The following NAALADL2 variants were observed in gnomAD, a reference collection of about 807,000 sequenced individuals.
The protein encoded by NAALADL2 is inactive N-acetylated-alpha-linked acidic dipeptidase-like protein 2.
A neutral mutation model predicts 87.2 loss-of-function variants in NAALADL2; 76 were observed. That is an observed-to-expected ratio of 0.87 (90% CI 0.72 to 1.05). The LOEUF (loss-of-function observed/expected upper bound fraction) is 1.05, where lower values mean the gene tolerates loss of function less well. Among genes scored for constraint, NAALADL2 ranks in the 50% least tolerant of loss-of-function variants. NAALADL2 has a pLI of 0.00. For missense variants in NAALADL2, 1,089 were observed against 945.8 expected, an observed-to-expected ratio of 1.15 and a Z score of -1.99; for synonymous variants, 354 against 331.0, an observed-to-expected ratio of 1.07 and a Z score of -0.75.
At chr3:175,401,286 T>C (rs956879527) in intron 5 of NAALADL2, among the ~76,000 whole-genome samples, 3 of 152,144 alleles carry the variant, frequency 2.0e-5, no homozygotes, top group African/African-American at 7.2e-5. Flanking sequence ...TGCTTTGAAT[T>C]GTGGAACAAT....
At chr3:175,720,629 T>C (rs2151612) in intron 11 of NAALADL2, among the ~76,000 whole-genome samples, 1 of 151,940 alleles carries the variant, frequency 6.6e-6, no homozygotes, top group African/African-American at 2.4e-5. Flanking sequence ...AAATAGGATA[T>C]ATTAAAAATA....
intron 3 of NAALADL2, among the ~76,000 whole-genome samples, chr3:174,783,968 A>G (rs1032559656): frequency 2.0e-5 from 3 of 152,208 alleles, no homozygotes; most frequent in African/African-American, 7.2e-5. Context: ...TGGATATATT[A>G]ACTAAAGAAT....
intron 11 of NAALADL2, chr3:175,675,931 ATTG>A (rs1734710467): frequency 6.6e-6 from 1 of 152,112 alleles, no homozygotes; most frequent in African/African-American, 2.4e-5. Flanking sequence ...GTAGTGCACT[ATTG>A]TTTATATGGT....
intron 1 of NAALADL2, among the ~76,000 whole-genome samples, chr3:175,066,455 AC>A (rs2109113834): frequency 6.6e-6 from 1 of 152,140 alleles, no homozygotes; most frequent in South Asian, 2.1e-4. Context: ...TCTATCCAGC[AC>A]CTTGCACTGA....
chr3:175,559,318 T>TTTG (rs367634123), intron 9 of NAALADL2, among the ~76,000 whole-genome samples: 1,667 of 152,080 alleles, frequency 0.011, 28 homozygotes, highest in African/African-American at 0.036. Context: ...GTTTTTAAAG[T>TTTG]TTGTTGTTGT....
intron 11 of NAALADL2, among the ~76,000 whole-genome samples, chr3:175,681,638 C>A (rs1214739814): frequency 6.6e-6 from 1 of 152,074 alleles, no homozygotes; most frequent in East Asian, 1.9e-4. Flanking sequence ...TGTTTTGATT[C>A]TTTGAAGAAC....
intron 11 of NAALADL2, among the ~76,000 whole-genome samples, chr3:175,642,610 C>G (rs2149763640): frequency 6.6e-6 from 1 of 151,950 alleles, no homozygotes; most frequent in Non-Finnish European, 1.5e-5. Flanking sequence ...ATGCCATTCT[C>G]CTGCCTCAGC....
At chr3:175,383,570 T>C (rs1177163174) in intron 5 of NAALADL2, among the ~76,000 whole-genome samples, 1 of 152,018 alleles carries the variant, frequency 6.6e-6, no homozygotes, top group East Asian at 1.9e-4. Flanking sequence ...AACCAGCATA[T>C]CCCCTAGAGA....
chr3:175,692,185 A>G (rs1298342391), intron 11 of NAALADL2, among the ~76,000 whole-genome samples: 1 of 152,084 alleles, frequency 6.6e-6, no homozygotes, highest in African/African-American at 2.4e-5. Flanking sequence ...CTATGTTCAT[A>G]GGGGATTTCT....
intron 1 of NAALADL2, among the ~76,000 whole-genome samples, chr3:174,982,243 A>G (rs997239438): frequency 6.6e-6 from 1 of 152,184 alleles, no homozygotes; most frequent in Non-Finnish European, 1.5e-5. Flanking sequence ...TTTCAGGTCA[A>G]CAACAATTTA....
intron 10 of NAALADL2, among the ~76,000 whole-genome samples, chr3:175,608,065 T>A (rs1724033146): frequency 6.6e-6 from 1 of 151,568 alleles, no homozygotes; most frequent in African/African-American, 2.4e-5. Context: ...ATCCTATCAT[T>A]TGATTCCCAT....
chr3:174,693,952 A>G (rs1415659171), intron 2 of NAALADL2, among the ~76,000 whole-genome samples: 1 of 152,136 alleles, frequency 6.6e-6, no homozygotes, highest in African/African-American at 2.4e-5. Context: ...ATTTGCCAGA[A>G]TTAACATTGG....
At chr3:175,319,270 T>C (rs558955994) in intron 4 of NAALADL2, among the ~76,000 whole-genome samples, 1 of 152,228 alleles carries the variant, frequency 6.6e-6, no homozygotes, top group Non-Finnish European at 1.5e-5. Flanking sequence ...GAAGAGAAAT[T>C]AGTCATTTGT....
At position 174,956,023 on chromosome 3, in the gene NAALADL2, T is replaced by A. The variant is rs1196183504; in HGVS notation, c.43+96573T>A. On this transcript the variant is annotated intron_variant, in intron 1 of 13. Transcript: ENST00000454872. ...TTAAGTCAATCAGTTTCTTGGAGAT[T>A]ATTGCCCAGTGATGATATTCACAAA... Among the ~76,000 whole-genome samples the A allele has an allele frequency of 2.0e-5, 3 of 152,076 alleles. No individual in the cohort carries two copies. In the East Asian group the frequency reaches 5.8e-4, roughly 29 times the overall value.
intron 2 of NAALADL2, among the ~76,000 whole-genome samples, chr3:174,681,631 G>A (rs112840262): frequency 6.6e-5 from 10 of 152,288 alleles, no homozygotes; most frequent in African/African-American, 2.4e-4. Context: ...CCCAGTTCTG[G>A]CAGCATTCCT....
intron 2 of NAALADL2, among the ~76,000 whole-genome samples, chr3:175,121,202 C>G (rs562619679): frequency 1.3e-5 from 2 of 151,862 alleles, no homozygotes; most frequent in Non-Finnish European, 2.9e-5. Context: ...TCTGGCCAAA[C>G]GGCCATACAG....
At chr3:175,134,774 C>G (rs563255465) in intron 2 of NAALADL2, among the ~76,000 whole-genome samples, 3 of 152,272 alleles carry the variant, frequency 2.0e-5, no homozygotes, top group Middle Eastern at 3.4e-3. Flanking sequence ...CATTCTCCCA[C>G]CACTGCCACT....
intron 2 of NAALADL2, among the ~76,000 whole-genome samples, chr3:174,675,314 T>G (rs994060768): frequency 2.0e-5 from 3 of 152,038 alleles, no homozygotes; most frequent in Non-Finnish European, 4.4e-5. Context: ...AGAAATGGGT[T>G]CATCTAGTTA....
At chr3:175,360,103 T>G (rs1764815028) in intron 5 of NAALADL2, among the ~76,000 whole-genome samples, 1 of 152,184 alleles carries the variant, frequency 6.6e-6, no homozygotes, top group East Asian at 1.9e-4. Context: ...TCTCCCTATC[T>G]TATATATCTC....
Sources: allele counts gnomAD v4.1 joint callset (sites outside exome capture counted in the v4.1 genomes callset), GRCh38; gene constraint gnomAD v4.1.1; transcripts MANE v1.5; gene names NCBI Gene and HGNC (gene_info 2026-07-23, HGNC 2026-07-21).